The following MICAL2 variants were observed in gnomAD, a reference collection of about 807,000 sequenced individuals.
MICAL2 encodes [F-actin]-monooxygenase MICAL2.
In MICAL2, 77 loss-of-function variants were observed where a neutral mutation model predicts 127.3. That is an observed-to-expected ratio of 0.60 (90% CI 0.50 to 0.73). MICAL2 has a LOEUF of 0.73. Among genes scored for constraint, MICAL2 ranks in the 30% least tolerant of loss-of-function variants. The pLI, the probability that MICAL2 is intolerant of heterozygous loss-of-function variation, is 0.00. For missense variants in MICAL2, 1,351 were observed against 1,434.4 expected, an observed-to-expected ratio of 0.94 and a Z score of 0.94; for synonymous variants, 570 against 551.1, an observed-to-expected ratio of 1.03 and a Z score of -0.48.
chr11:12,275,009 C>T (rs1190760754), upstream of MICAL2, among the ~76,000 whole-genome samples: 1 of 151,944 alleles, frequency 6.6e-6, no homozygotes, highest in East Asian at 1.9e-4. Context: ...GAGTGGGAAG[C>T]AGAGAGGCGG....
downstream of MICAL2, chr11:12,294,596 C>A (rs1274851144): frequency 1.2e-6 from 2 of 1,614,212 alleles, no homozygotes; most frequent in Admixed American, 3.3e-5. Context: ...TGCTTCTAAG[C>A]CTCCAAAGAA....
At chr11:12,338,845 C>T (rs556586834) in intron 32 of MICAL2, among the ~76,000 whole-genome samples, 1 of 152,336 alleles carries the variant, frequency 6.6e-6, no homozygotes, top group Non-Finnish European at 1.5e-5. Flanking sequence ...GATAGGCCTC[C>T]CTTTGTGGGT....
At chr11:12,294,283 C>T (rs1863945046), downstream of MICAL2, 5 of 1,614,160 alleles carry the variant, frequency 3.1e-6, no homozygotes, top group East Asian at 1.1e-4. Flanking sequence ...TAGAGCCCCT[C>T]CTTTCCAACT....
chr11:12,344,512 T>TATTATC (rs1229803837), intron 32 of MICAL2, among the ~76,000 whole-genome samples: 2 of 140,458 alleles, frequency 1.4e-5, no homozygotes, highest in Non-Finnish European at 3.1e-5. Context: ...TTATTATTAT[T>TATTATC]ATTTTGAGAT....
chr11:12,212,956 A>G (rs1185571886), intron 6 of MICAL2, among the ~76,000 whole-genome samples: 1 of 152,200 alleles, frequency 6.6e-6, no homozygotes, highest in Non-Finnish European at 1.5e-5. Flanking sequence ...TCTAGCAACA[A>G]TGCCTGACAC....
At chr11:12,139,317 A>G (rs1268304323) in intron 2 of MICAL2, among the ~76,000 whole-genome samples, 3 of 152,244 alleles carry the variant, frequency 2.0e-5, no homozygotes, top group African/African-American at 7.2e-5. Context: ...GCCATGAGTC[A>G]GAGGGAACAT....
chr11:12,196,535 T>G (rs1025482446), intron 3 of MICAL2, among the ~76,000 whole-genome samples: 8 of 152,206 alleles, frequency 5.3e-5, no homozygotes, highest in Middle Eastern at 3.4e-3. Context: ...GACAGGAAGA[T>G]GAGGAGGAGC....
upstream of MICAL2, chr11:12,276,024 G>C (rs1426547321): frequency 5.0e-6 from 2 of 399,170 alleles, no homozygotes; most frequent in Non-Finnish European, 8.8e-6. Flanking sequence ...GAGCATCTCT[G>C]AGCCACAGCA....
chr11:12,314,836 T>C (rs756463252), intron 29 of MICAL2, among the ~76,000 whole-genome samples: 21 of 152,170 alleles, frequency 1.4e-4, no homozygotes, highest in Admixed American at 3.9e-4. Flanking sequence ...GTGATTGCTG[T>C]CATATATTTT....
chr11:12,222,792 GGGAAGAGGTGGT>G (rs776049830), intron 11 of MICAL2, 49 bp downstream of exon 11: 6 of 1,604,332 alleles, frequency 3.7e-6, no homozygotes, highest in Non-Finnish European at 4.3e-6. Context: ...ACTGAACAGT[GGGAAGAGGTGGT>G]GGGGAGGGGG....
At chr11:12,155,951 A>C (rs1389673330) in intron 2 of MICAL2, among the ~76,000 whole-genome samples, 2 of 152,242 alleles carry the variant, frequency 1.3e-5, no homozygotes, top group Non-Finnish European at 1.5e-5. Context: ...TATAAGAAGC[A>C]ATGGATGAGG....
chr11:12,288,714 A>T (rs570266972), downstream of MICAL2, among the ~76,000 whole-genome samples: 363 of 152,322 alleles, frequency 2.4e-3, 1 homozygote, highest in Non-Finnish European at 1.7e-3. Flanking sequence ...CCAAGGAGCG[A>T]GCTGGCTGGA....
chr11:12,319,983 T>C (rs1368056830), intron 30 of MICAL2, among the ~76,000 whole-genome samples: 1 of 151,732 alleles, frequency 6.6e-6, no homozygotes, highest in Non-Finnish European at 1.5e-5. Context: ...TTATCTTCTT[T>C]AAAAAAAACT....
upstream of MICAL2, among the ~76,000 whole-genome samples, chr11:12,273,198 T>G (rs1863691343): frequency 6.6e-6 from 1 of 152,238 alleles, no homozygotes; most frequent in Non-Finnish European, 1.5e-5. Context: ...CTCTCTGTGC[T>G]TGAGTTTTCT....
At chr11:12,124,726 C>A (rs1003050907) in intron 1 of MICAL2, among the ~76,000 whole-genome samples, 1 of 152,210 alleles carries the variant, frequency 6.6e-6, no homozygotes, top group Non-Finnish European at 1.5e-5. Context: ...TCTTTGCTCC[C>A]CTGTCCTGGT....
chr11:12,319,902 T>A, intron 30 of MICAL2: 2 of 928,286 alleles, frequency 2.2e-6, no homozygotes, highest in Non-Finnish European at 3.5e-6. Context: ...CCAGCTGCAG[T>A]GGTTTCCTTA....
rs773613920 is a variant in MICAL2 at position 12,242,438 on chromosome 11, A to G, written c.2556+6A>G. On this transcript the variant is annotated splice_donor_region_variant and intron_variant, in intron 19 of 27. Transcript: ENST00000683283. Reference sequence around the variant, plus strand: ...TGGAGGAAAAGATTCTCCAGGTGAGAGACTCACTTTTTGCCCGTCTCTGTC... The same window carrying G: ...TGGAGGAAAAGATTCTCCAGGTGAGGGACTCACTTTTTGCCCGTCTCTGTC... 1 of 1,595,474 alleles carries G rather than the reference A, an allele frequency of 6.3e-7. No homozygotes were observed.
intron 3 of MICAL2, among the ~76,000 whole-genome samples, chr11:12,180,337 A>ATG (rs1857292423): frequency 1.3e-5 from 1 of 75,280 alleles, no homozygotes; most frequent in Non-Finnish European, 3.5e-5. Flanking sequence ...ATATACATGT[A>ATG]TATATGTATA....
At chr11:12,318,425 A>C (rs1034465081) in intron 29 of MICAL2, among the ~76,000 whole-genome samples, 2 of 152,194 alleles carry the variant, frequency 1.3e-5, no homozygotes, top group African/African-American at 4.8e-5. Context: ...ACCAGAAAAC[A>C]GGGATGTTTT....
Sources: gnomAD v4.1 joint callset for allele counts (sites outside exome capture counted in the v4.1 genomes callset) on GRCh38, gnomAD v4.1.1 for gene constraint, MANE v1.5 for transcripts, NCBI Gene and HGNC (gene_info 2026-07-23, HGNC 2026-07-21) for gene names.